CCDC159: variants seen among roughly 807,000 people sequenced by gnomAD.
CCDC159 encodes coiled-coil domain-containing protein 159.
A neutral mutation model predicts 50.9 loss-of-function variants in CCDC159; 40 were observed. That is an observed-to-expected ratio of 0.79 (90% CI 0.61 to 1.02). CCDC159 has a LOEUF of 1.02. Ranked by LOEUF, CCDC159 falls within the 50% of genes least tolerant of loss-of-function variation. The pLI, the probability that CCDC159 is intolerant of heterozygous loss-of-function variation, is 0.00. For synonymous variants in CCDC159, 146 were observed against 138.9 expected, an observed-to-expected ratio of 1.05 and a Z score of -0.36; for missense variants, 356 against 371.5, an observed-to-expected ratio of 0.96 and a Z score of 0.34.
chr19:11,348,154 AGG>A (rs1568310150), intron 1 of CCDC159: 1 of 456,656 alleles, frequency 2.2e-6, no homozygotes, highest in Non-Finnish European at 4.4e-6. Flanking sequence ...CTGCCAGGAA[AGG>A]CCTTCCTTTA....
At chr19:11,348,933 T>A (rs1338630377) in intron 1 of CCDC159, 1 of 1,319,916 alleles carries the variant, frequency 7.6e-7, no homozygotes, top group Non-Finnish European at 1.0e-6. Context: ...AGGAGTGCCC[T>A]GCACTGTCCC....
rs1171581728 is a variant in CCDC159 at position 11,350,941 on chromosome 19, G to A, written c.360G>A (p.Glu120=). Residue 120 remains glutamate (E), a synonymous_variant, in exon 5 of 11, where the codon GAG becomes GAA. Transcript: ENST00000458408. ...QGLEKTLRDS[E]EMQRARTTRC... is the part of the protein sequence containing the mutation. ...TGGAGAAGACCCTGCGTGACAGTGA[G>A]GAGATGCAGCGGGCCCGCACCACTC... 1 of 1,554,898 alleles carries A rather than the reference G, an allele frequency of 6.4e-7. No homozygotes were observed. Among genetic ancestry groups the A allele is most frequent in the South Asian group, 1.2e-5 (1 of 84,238 alleles).
rs766254072 is a variant in CCDC159, at chr19:11,349,906, C to T, written c.56-32C>T. On this transcript the variant is annotated intron_variant, in intron 2 of 10. Coordinates refer to ENST00000458408, the MANE Select transcript of CCDC159 (RefSeq NM_001080503.3). ...CCCTTGCCCCAGACCCCACCCCTTA[C>T]AGCCCTGGCTCACCCTCTTCTCTGC... is the stretch of plus-strand genomic sequence containing the variant. 11 of 1,605,484 alleles carry T rather than the reference C, an allele frequency of 6.9e-6. No homozygotes were observed. In the South Asian group the frequency reaches 9.9e-5, roughly 14 times the overall value.
At chr19:11,353,389 C>T (rs187937461) in intron 7 of CCDC159, 62 bp from the exon 8 acceptor site, 16 of 1,504,928 alleles carry the variant, frequency 1.1e-5, no homozygotes, top group Middle Eastern at 1.7e-4. Context: ...TGTGAGCCAC[C>T]GCGCCTGGCA....
chr19:11,350,765 A>G, intron 4 of CCDC159, 43 bp from the exon 5 acceptor site: 2 of 1,496,262 alleles, frequency 1.3e-6, no homozygotes, highest in Admixed American at 2.3e-5. Context: ...AGCTGGGTTC[A>G]GGGTGGGATC....
At chr19:11,350,686 G>T (rs570096166) in intron 4 of CCDC159, 122 bp from the exon 5 acceptor site, 1 of 926,108 alleles carries the variant, frequency 1.1e-6, no homozygotes, top group Non-Finnish European at 1.6e-6. Flanking sequence ...TGGTCCTGTT[G>T]GGATCAGCTG....
At position 11,352,241 on chromosome 19, in the gene CCDC159, C is replaced by A. The variant is rs750342223; in HGVS notation, c.567+108C>A. ...AGCCTGGGTTCAAATCTCAGCTCTGCCACTCACTGCTGTGTGACTGTGGGC... is the reference window on the plus strand; with the variant it reads ...AGCCTGGGTTCAAATCTCAGCTCTGACACTCACTGCTGTGTGACTGTGGGC... On this transcript the variant is annotated intron_variant, in intron 7 of 10. Coordinates refer to ENST00000458408, the MANE Select transcript of CCDC159 (RefSeq NM_001080503.3). 5.9e-4 allele frequency: 624 copies of A among 1,061,658 alleles called. 8 individuals are homozygous for A. The highest frequency in any genetic ancestry group is 1.3e-4 in the Non-Finnish European group (94 of 712,990). The allele number at this position is 1,061,658 out of a possible 1,614,324, so 65.8% of individuals were successfully genotyped here. A position where few individuals can be genotyped will look rare whatever the true frequency, so the allele number is the denominator to read the frequency against.
rs1455959680 is a variant in CCDC159, at chr19:11,350,109, T to C, written c.145-9T>C. ...TCCTCCCACCCCAAGGCTGACCTCT[T>C]TCCCCCAGGCTTTCGAGTTCCTGAA... On this transcript the variant is annotated splice_polypyrimidine_tract_variant and intron_variant, in intron 3 of 10. Transcript: ENST00000458408. 2 of 1,613,372 alleles carry C rather than the reference T, an allele frequency of 1.2e-6. No individual in the cohort carries two copies. Among genetic ancestry groups the C allele is most frequent in the African/African-American group, 2.7e-5 (2 of 74,886 alleles).
At chr19:11,353,207 TCTC>T (rs1181221957) in intron 7 of CCDC159, among the ~76,000 whole-genome samples, 1 of 151,974 alleles carries the variant, frequency 6.6e-6, no homozygotes, top group Non-Finnish European at 1.5e-5. Flanking sequence ...TTCAAGCAAT[TCTC>T]CTGCCTCAGC....
intron 7 of CCDC159, chr19:11,352,442 C>T: frequency 3.0e-6 from 1 of 337,016 alleles, no homozygotes; most frequent in South Asian, 2.8e-5. Flanking sequence ...CCCGTCTATA[C>T]TAAAAATACA....
At chr19:11,349,288 C>T (rs1473550313) in intron 1 of CCDC159, 2 of 761,886 alleles carry the variant, frequency 2.6e-6, no homozygotes, top group Non-Finnish European at 3.7e-6. Flanking sequence ...CAGAGAGACT[C>T]CCATGAATGC....
At position 11,350,149 on chromosome 19, in the gene CCDC159, T is replaced by C. The variant is rs1967490262; in HGVS notation, c.176T>C (p.Met59Thr). Residue 59 changes from methionine to threonine, a missense_variant, in exon 4 of 11, where the codon ATG becomes ACG. Transcript: ENST00000458408. ...GAGTTCCTGAACCACTCAGTGACCATGTTGGAGAAGGAGAGCTGCTTGCAG... is the reference window on the plus strand; with the variant it reads ...GAGTTCCTGAACCACTCAGTGACCACGTTGGAGAAGGAGAGCTGCTTGCAG... ...AFEFLNHSVT[M>T]LEKESCLQQI... 3.7e-6 allele frequency: 6 copies of C among 1,613,140 alleles called. No individual in the cohort carries two copies. The highest frequency in any genetic ancestry group is 1.7e-5 in the Admixed American group (1 of 59,896).
intron 1 of CCDC159, among the ~76,000 whole-genome samples, chr19:11,347,278 G>A (rs909071585): frequency 6.6e-6 from 1 of 152,124 alleles, no homozygotes; most frequent in Non-Finnish European, 1.5e-5. Context: ...GAAAATAGGA[G>A]CCTAAAAAAG....
In CCDC159 at chr19:11,353,575, G is replaced by A; in HGVS notation, c.689+3G>A. ...CAGAAGGAACTGAGTGATATATGGTGATGCCCAGCCTGCAGTCTGACCCCT... is the reference window on the plus strand; with the variant it reads ...CAGAAGGAACTGAGTGATATATGGTAATGCCCAGCCTGCAGTCTGACCCCT... On this transcript the variant is annotated splice_donor_region_variant and intron_variant, in intron 8 of 10. Transcript: ENST00000458408. 6.2e-7 allele frequency: 1 copy of A among 1,611,788 alleles called. No homozygotes were observed. Among genetic ancestry groups the A allele is most frequent in the Admixed American group, 1.7e-5 (1 of 59,956 alleles).
intron 9 of CCDC159, 75 bp downstream of exon 9, chr19:11,353,949 C>A: frequency 8.0e-7 from 1 of 1,253,932 alleles, no homozygotes; most frequent in South Asian, 1.4e-5. Flanking sequence ...TTCAGAGAGC[C>A]TATTTGGGAG....
chr19:11,354,364 T>G (rs1967762418), intron 9 of CCDC159, among the ~76,000 whole-genome samples: 1 of 152,088 alleles, frequency 6.6e-6, no homozygotes, highest in Non-Finnish European at 1.5e-5. Context: ...CACTCCAGTC[T>G]GGGCAACAGA....
chr19:11,351,124 G>A, intron 5 of CCDC159, 121 bp downstream of exon 5: 1 of 1,031,692 alleles, frequency 9.7e-7, no homozygotes, highest in Non-Finnish European at 1.4e-6. Context: ...GAGGGATGGT[G>A]GAAAGCCTGA....
chr19:11,353,676 C>T, intron 8 of CCDC159, 104 bp downstream of exon 8: 1 of 1,566,136 alleles, frequency 6.4e-7, no homozygotes, highest in Non-Finnish European at 8.7e-7. Context: ...TGAGTCCAGA[C>T]TTCCCTCACC....
In CCDC159 at chr19:11,351,749, G is replaced by A. The variant is rs1967594450; in HGVS notation, c.423-157G>A. On this transcript the variant is annotated intron_variant, in intron 5 of 10. Coordinates refer to ENST00000458408, the MANE Select transcript of CCDC159 (RefSeq NM_001080503.3). Reference sequence around the variant, plus strand: ...GGCTGGGGATCAGAAGGAGAGGAGGGGGATGAGGGTAGGGGGATTGTAGAA... The same window carrying A: ...GGCTGGGGATCAGAAGGAGAGGAGGAGGATGAGGGTAGGGGGATTGTAGAA... The A allele has an allele frequency of 4.9e-6, 3 of 606,144 alleles. No homozygotes were observed. In the South Asian group the frequency reaches 6.0e-5, roughly 12 times the overall value. The allele number at this position is 606,144 out of a possible 1,614,324, so 37.5% of individuals were successfully genotyped here. A position where few individuals can be genotyped will look rare whatever the true frequency, so the allele number is the denominator to read the frequency against.
Sources: allele counts gnomAD v4.1 joint callset (sites outside exome capture counted in the v4.1 genomes callset), GRCh38; gene constraint gnomAD v4.1.1; transcripts MANE v1.5; gene names NCBI Gene and HGNC (gene_info 2026-07-23, HGNC 2026-07-21).